Variants in NLRP13 observed in about 807,000 individuals in gnomAD.
NLRP13 encodes NACHT, LRR and PYD domains-containing protein 13.
In NLRP13, 82 loss-of-function variants were observed where a neutral mutation model predicts 94.4. That is an observed-to-expected ratio of 0.87 (90% CI 0.73 to 1.04). The LOEUF is 1.04. Among genes scored for constraint, NLRP13 ranks in the 50% least tolerant of loss-of-function variants. NLRP13 has a pLI of 0.00. For missense variants in NLRP13, 1,426 were observed against 1,230.8 expected (o/e 1.16, Z -2.37); for synonymous variants, 553 against 464.7 (o/e 1.19, Z -2.45).
At chr19:55,900,906 G>T (rs1013980567) in intron 9 of NLRP13, among the ~76,000 whole-genome samples, 3 of 152,080 alleles carry the variant, frequency 2.0e-5, no homozygotes, top group Non-Finnish European at 4.4e-5. Flanking sequence ...AGCATGGATT[G>T]TAATATATGC....
chr19:55,902,327 C>G (rs1288164393), intron 8 of NLRP13, 122 bp from the exon 9 acceptor site: 1 of 738,622 alleles, frequency 1.4e-6, no homozygotes, highest in African/African-American at 1.8e-5. Flanking sequence ...ACGACAAGGT[C>G]TTTCTTTTTA....
intron 6 of NLRP13, 66 bp from the exon 7 acceptor site, chr19:55,908,022 C>CCT (rs1157267914): frequency 1.4e-6 from 2 of 1,429,034 alleles, no homozygotes; most frequent in African/African-American, 2.8e-5. Context: ...ATCCCGTCTG[C>CCT]CTCCTCACCC....
Position 55,913,059 on chromosome 19 carries a change from G to T in NLRP13, c.758C>A (p.Ala253Glu). Residue 253 changes from alanine (A) to glutamate (E), a missense_variant, in exon 5 of 11, where the codon GCA (alanine) becomes GAA (glutamate). Ala to Glu is a moderately radical substitution (Grantham distance 107, BLOSUM62 -1). Transcript: ENST00000342929. ...CCTTTGCTGAAAGAGAACTCCATTT[G>T]CCCAGTGCAGCATAGCCTGCATTGC... The part of the protein sequence containing the change: ...TLAMQAMLHW[A>E]NGVLFQQRFS... 1.2e-6 allele frequency: 2 copies of T among 1,614,090 alleles called. No homozygotes were observed. The highest frequency in any genetic ancestry group is 1.7e-6 in the Non-Finnish European group (2 of 1,179,998).
chr19:55,914,372 C>T (rs144363775), intron 4 of NLRP13, among the ~76,000 whole-genome samples: 380 of 152,110 alleles, frequency 2.5e-3, no homozygotes, highest in African/African-American at 8.9e-3. Flanking sequence ...AATGAGATGC[C>T]GTAATTTATA....
intron 10 of NLRP13, among the ~76,000 whole-genome samples, chr19:55,896,589 T>G (rs113376455): frequency 0.026 from 3,848 of 145,626 alleles, 72 homozygotes; most frequent in Non-Finnish European, 0.041. Flanking sequence ...GAGGCTGAGG[T>G]GGGTGGATCA....
At position 55,912,444 on chromosome 19, in the gene NLRP13, T is replaced by C. The variant is rs1986546626; in HGVS notation, c.1373A>G (p.Tyr458Cys). 2.5e-6 allele frequency: 4 copies of C among 1,613,938 alleles called. No individual in the cohort carries two copies. The highest frequency in any genetic ancestry group is 1.3e-5 in the African/African-American group (1 of 74,880). ...ITQTTTSLYA[Y>C]FFSNLFSTAE... ...TGTGGAGAACAAGTTGGAGAAAAAA[T>C]AGGCATACAGACTGGTGGTAGTCTG... Residue 458 changes from tyrosine to cysteine, a missense_variant, in exon 5 of 11, where the codon TAT becomes TGT. Transcript: ENST00000342929.
chr19:55,921,573 A>C (rs1986828047), intron 4 of NLRP13, among the ~76,000 whole-genome samples: 1 of 152,234 alleles, frequency 6.6e-6, no homozygotes, highest in African/African-American at 2.4e-5. Context: ...AATACAAACC[A>C]TGACACATCC....
intron 1 of NLRP13, among the ~76,000 whole-genome samples, chr19:55,929,324 A>T (rs1987047639): frequency 6.6e-6 from 1 of 152,230 alleles, no homozygotes; most frequent in Non-Finnish European, 1.5e-5. Flanking sequence ...ACTCTTGCAC[A>T]CATATGGTTA....
chr19:55,901,381 T>C (rs949960796), intron 9 of NLRP13, among the ~76,000 whole-genome samples: 8 of 152,224 alleles, frequency 5.3e-5, no homozygotes, highest in Middle Eastern at 6.8e-3. Context: ...AACTTTTTCT[T>C]AGATAATGTG....
downstream of NLRP13, among the ~76,000 whole-genome samples, chr19:55,893,458 C>T (rs1421519943): frequency 6.6e-6 from 1 of 152,156 alleles, no homozygotes; most frequent in Non-Finnish European, 1.5e-5. Context: ...AACACAATTA[C>T]TTTGGCACCT....
intron 5 of NLRP13, among the ~76,000 whole-genome samples, chr19:55,911,098 T>C (rs1452122310): frequency 6.6e-6 from 1 of 152,148 alleles, no homozygotes; most frequent in East Asian, 1.9e-4. Flanking sequence ...CATGATCCAC[T>C]GGGAGGGCTG....
intron 4 of NLRP13, among the ~76,000 whole-genome samples, chr19:55,913,801 A>AT (rs1444559221): frequency 2.0e-5 from 3 of 151,590 alleles, no homozygotes; most frequent in African/African-American, 7.3e-5. Flanking sequence ...CCCACCCAGA[A>AT]TTTTTTTCTG....
intron 5 of NLRP13, 124 bp downstream of exon 5, chr19:55,911,582 C>T (rs543677262): frequency 1.1e-6 from 1 of 895,668 alleles, no homozygotes; most frequent in Middle Eastern, 3.5e-4. Flanking sequence ...CTGCTCCAGA[C>T]CATTTGGTCG....
chr19:55,925,432 C>T (rs1393117858), intron 1 of NLRP13, among the ~76,000 whole-genome samples: 1 of 152,198 alleles, frequency 6.6e-6, no homozygotes, highest in African/African-American at 2.4e-5. Flanking sequence ...TTGCACTTGT[C>T]ACCTTTTAAC....
intron 10 of NLRP13, among the ~76,000 whole-genome samples, chr19:55,896,352 A>G (rs1986009890): frequency 2.0e-5 from 3 of 151,548 alleles, no homozygotes; most frequent in African/African-American, 4.9e-5. Context: ...GTGAAACCCC[A>G]TTTCTATTAA....
In NLRP13 at chr19:55,910,626, G is replaced by A; in HGVS notation, c.2219C>T (p.Ala740Val). The part of the protein sequence containing the change: ...ELDLSNSKLH[A>V]SSVKGLCLAL... ...AAGACAGAGACCCTTCACAGAGGAA[G>A]CATGAAGTTTGCTGTTACTCAGGTC... The change falls in exon 6 of 11, where the codon GCT becomes GTT. Residue 740 changes from alanine (A) to valine (V), a missense_variant. Coordinates refer to ENST00000342929, the MANE Select transcript of NLRP13 (RefSeq NM_176810.2). 6.2e-7 allele frequency: 1 copy of A among 1,613,820 alleles called. No individual in the cohort carries two copies. The highest frequency in any genetic ancestry group is 1.1e-5 in the South Asian group (1 of 91,048).
chr19:55,912,990 A>G lies in NLRP13; in HGVS notation c.827T>C (p.Met276Thr), dbSNP rs371198255. The G allele has an allele frequency of 1.9e-6, 3 of 1,614,186 alleles. No individual in the cohort carries two copies. The highest frequency in any genetic ancestry group is 1.7e-4 in the Middle Eastern group (1 of 6,060). ...CAATTCAGCAAAGGTAGTTTCCTTCATGTACCTTATTTTATGGCAGCTGAG... is the reference window on the plus strand; with the variant it reads ...CAATTCAGCAAAGGTAGTTTCCTTCGTGTACCTTATTTTATGGCAGCTGAG... ...FYLSCHKIRY[M>T]KETTFAELIS... The change falls in exon 5 of 11, where the codon ATG becomes ACG. Residue 276 changes from methionine (M) to threonine (T), a missense_variant. Physicochemically the swap from Met to Thr is moderately conservative, Grantham distance 81. Coordinates refer to ENST00000342929, the MANE Select transcript of NLRP13 (RefSeq NM_176810.2).
chr19:55,931,567 G>C (rs1022864007), intron 1 of NLRP13, among the ~76,000 whole-genome samples: 4 of 150,782 alleles, frequency 2.7e-5, no homozygotes, highest in Non-Finnish European at 5.9e-5. Context: ...AAATTAGCCG[G>C]GTGTGGTGGC....
chr19:55,900,904 T>C (rs995464975), intron 9 of NLRP13, among the ~76,000 whole-genome samples: 5 of 151,978 alleles, frequency 3.3e-5, no homozygotes, highest in African/African-American at 9.7e-5. Flanking sequence ...CGAGCATGGA[T>C]TGTAATATAT....
Sources: gnomAD v4.1 joint callset for allele counts (sites outside exome capture counted in the v4.1 genomes callset) on GRCh38, gnomAD v4.1.1 for gene constraint, MANE v1.5 for transcripts, NCBI Gene and HGNC (gene_info 2026-07-23, HGNC 2026-07-21) for gene names.